Variants in CADPS2 observed in about 807,000 individuals in gnomAD.
CADPS2 encodes calcium dependent secretion activator 2.
In CADPS2, 93 loss-of-function variants were observed where a neutral mutation model predicts 172.5. That is an observed-to-expected ratio of 0.54 (90% CI 0.46 to 0.64). The LOEUF is 0.64. Ranked by LOEUF, CADPS2 falls within the 30% of genes least tolerant of loss-of-function variation. The probability of loss-of-function intolerance (pLI) is 0.00; values close to 1 mark genes in which losing one functional copy is unlikely to be tolerated. For synonymous variants in CADPS2, 546 were observed against 555.2 expected, an observed-to-expected ratio of 0.98 and a Z score of 0.23; for missense variants, 1,420 against 1,565.9, an observed-to-expected ratio of 0.91 and a Z score of 1.57.
chr7:122,717,480 T>G (rs897200988), intron 2 of CADPS2, among the ~76,000 whole-genome samples: 1 of 152,148 alleles, frequency 6.6e-6, no homozygotes, highest in African/African-American at 2.4e-5. Flanking sequence ...TGACACAACT[T>G]ACATATGATA....
chr7:122,584,231 A>T (rs1288273401), intron 6 of CADPS2, among the ~76,000 whole-genome samples: 1 of 151,934 alleles, frequency 6.6e-6, no homozygotes, highest in Non-Finnish European at 1.5e-5. Flanking sequence ...TTCAAACCTG[A>T]TATTTCTGTA....
At chr7:122,461,484 TACAAAAC>T (rs2054424132) in intron 14 of CADPS2, among the ~76,000 whole-genome samples, 2 of 152,270 alleles carry the variant, frequency 1.3e-5, no homozygotes, top group Admixed American at 1.3e-4. Context: ...ACAGTGTACT[TACAAAAC>T]ACAAAAGAAC....
At chr7:122,372,775 G>A (rs902081272) in intron 25 of CADPS2, among the ~76,000 whole-genome samples, 3 of 152,104 alleles carry the variant, frequency 2.0e-5, no homozygotes, top group South Asian at 4.1e-4. Flanking sequence ...TATAGAAACC[G>A]CATATTTTAA....
chr7:122,477,897 C>T (rs2056886813), intron 12 of CADPS2, among the ~76,000 whole-genome samples: 1 of 152,142 alleles, frequency 6.6e-6, no homozygotes, highest in Non-Finnish European at 1.5e-5. Flanking sequence ...TCCTACACAT[C>T]TGCTAGTTTG....
In CADPS2 at chr7:122,698,321, C is replaced by A. The variant is rs774528380; in HGVS notation, c.454-34752G>T. On this transcript the variant is annotated intron_variant, in intron 2 of 29. Coordinates refer to ENST00000449022, the MANE Select transcript of CADPS2 (RefSeq NM_017954.11). The stretch of plus-strand genomic sequence containing the variant: ...TAAAAGATGAAATATGCTAAGGTAG[C>A]AGTTGTGACAATCACAAAAGAGACC... 8 of 1,614,062 alleles carry A rather than the reference C, an allele frequency of 5.0e-6. No homozygotes were observed. The South Asian group carries it at 8.8e-5, about 18-fold the overall frequency.
intron 5 of CADPS2, among the ~76,000 whole-genome samples, chr7:122,618,438 G>C (rs998006805): frequency 6.6e-6 from 1 of 151,640 alleles, no homozygotes; most frequent in South Asian, 2.1e-4. Context: ...ATAAATAACT[G>C]AACTATATGT....
rs116686079 is a variant in CADPS2, at chr7:122,744,814, C to T, written c.340-7746G>A. 6.6e-3 allele frequency among the ~76,000 whole-genome samples: 1,006 copies of T among 152,202 alleles called. 12 individuals are homozygous for T. The highest frequency in any genetic ancestry group is 0.023 in the African/African-American group (962 of 41,518). The stretch of plus-strand genomic sequence containing the variant: ...CCACATTCTCATTGATCTCCCAGTC[C>T]GATTCAAACCTCAGCAAAATTACAT... On this transcript the variant is annotated intron_variant, in intron 1 of 29. Transcript: ENST00000449022.
chr7:122,419,400 C>T (rs1457393534), intron 17 of CADPS2, among the ~76,000 whole-genome samples: 1 of 152,120 alleles, frequency 6.6e-6, no homozygotes, highest in East Asian at 1.9e-4. Context: ...TCTTCAGAAA[C>T]AAAAACTTTG....
chr7:122,802,475 T>C (rs1191620053), intron 1 of CADPS2, among the ~76,000 whole-genome samples: 1 of 152,194 alleles, frequency 6.6e-6, no homozygotes, highest in Non-Finnish European at 1.5e-5. Context: ...CTTGGACTTC[T>C]TTATTTAAGG....
At chr7:122,451,051 C>T (rs1033342111) in intron 15 of CADPS2, among the ~76,000 whole-genome samples, 2 of 152,124 alleles carry the variant, frequency 1.3e-5, no homozygotes, top group South Asian at 4.1e-4. Flanking sequence ...GGCTCCTTAC[C>T]TGGTAATACA....
At chr7:122,727,311 G>C (rs545628859) in intron 2 of CADPS2, among the ~76,000 whole-genome samples, 7 of 151,822 alleles carry the variant, frequency 4.6e-5, no homozygotes, top group African/African-American at 1.7e-4. Flanking sequence ...CTTGGGCCTG[G>C]GAATTAGAAA....
intron 1 of CADPS2, among the ~76,000 whole-genome samples, chr7:122,831,282 T>C (rs1322899332): frequency 1.3e-5 from 2 of 152,186 alleles, no homozygotes; most frequent in Admixed American, 6.6e-5. Flanking sequence ...CACCACTATC[T>C]CAAGCAACAA....
In CADPS2 at chr7:122,601,019, G is replaced by A. The variant is rs376903037; in HGVS notation, c.1223+14162C>T. On this transcript the variant is annotated intron_variant, in intron 6 of 29. Transcript: ENST00000449022. ...TTTAGAAACACAATTTTTTAAATGT[G>A]GATAATGATAGGTTAAGTTTTTACA... 3.9e-3 allele frequency among the ~76,000 whole-genome samples: 594 copies of A among 152,070 alleles called. 6 individuals carry two copies. Among genetic ancestry groups the A allele is most frequent in the African/African-American group, 0.014 (564 of 41,514 alleles).
At chr7:122,801,606 C>G (rs1797665462) in intron 1 of CADPS2, among the ~76,000 whole-genome samples, 1 of 151,894 alleles carries the variant, frequency 6.6e-6, no homozygotes, top group African/African-American at 2.4e-5. Context: ...ATCATTGCTA[C>G]TATAAAGTTA....
intron 7 of CADPS2, among the ~76,000 whole-genome samples, chr7:122,560,832 C>A: frequency 6.6e-6 from 1 of 152,088 alleles, no homozygotes; most frequent in East Asian, 1.9e-4. Context: ...GAGTGTAGAA[C>A]CTTGAGGTAG....
chr7:122,503,733 C>T (rs1163531760), intron 9 of CADPS2, among the ~76,000 whole-genome samples: 1 of 152,086 alleles, frequency 6.6e-6, no homozygotes, highest in African/African-American at 2.4e-5. Flanking sequence ...TTCATCCGTG[C>T]ACTTATTCAT....
chr7:122,741,958 G>A (rs1373149657), intron 1 of CADPS2, among the ~76,000 whole-genome samples: 1 of 152,040 alleles, frequency 6.6e-6, no homozygotes, highest in Admixed American at 6.6e-5. Context: ...CCAATATCCT[G>A]GGTACTCTCC....
intron 1 of CADPS2, among the ~76,000 whole-genome samples, chr7:122,787,424 T>G (rs1241847537): frequency 6.6e-6 from 1 of 152,222 alleles, no homozygotes; most frequent in Non-Finnish European, 1.5e-5. Flanking sequence ...TCATTCTATC[T>G]TTCTCTTCAA....
chr7:122,754,323 A>G (rs557669074), intron 1 of CADPS2, among the ~76,000 whole-genome samples: 1 of 152,294 alleles, frequency 6.6e-6, no homozygotes, highest in Admixed American at 6.5e-5. Flanking sequence ...TTTGTTAACC[A>G]AAGTGTGACT....
Sources: gnomAD v4.1 joint callset for allele counts (sites outside exome capture counted in the v4.1 genomes callset) on GRCh38, gnomAD v4.1.1 for gene constraint, MANE v1.5 for transcripts, NCBI Gene and HGNC (gene_info 2026-07-23, HGNC 2026-07-21) for gene names.